Variants in CSMD1 observed in about 807,000 individuals in gnomAD.
CSMD1 encodes the protein CUB and sushi domain-containing protein 1.
CSMD1 carries 213 observed loss-of-function variants against 417.5 expected under a neutral mutation model. The observed-to-expected ratio is 0.51, with a 90% confidence interval of 0.46 to 0.57. CSMD1 has a LOEUF of 0.57. CSMD1 is among the 20% of genes least tolerant of loss of function. The probability of loss-of-function intolerance (pLI) is 0.00; values close to 1 mark genes in which losing one functional copy is unlikely to be tolerated. For missense variants in CSMD1, 6,923 were observed against 4,529.7 expected, an observed-to-expected ratio of 1.53 and a Z score of -15.17; for synonymous variants, 2,862 against 1,736.8, an observed-to-expected ratio of 1.65 and a Z score of -16.11.
At chr8:3,256,239 A>G (rs982563399) in intron 26 of CSMD1, among the ~76,000 whole-genome samples, 1 of 149,032 alleles carries the variant, frequency 6.7e-6, no homozygotes, top group African/African-American at 2.5e-5. Flanking sequence ...AGGCAGGAGA[A>G]TTGCTTGAAC....
At chr8:3,959,377 T>C (rs1812171238) in intron 5 of CSMD1, among the ~76,000 whole-genome samples, 1 of 152,144 alleles carries the variant, frequency 6.6e-6, no homozygotes, top group South Asian at 2.1e-4. Context: ...CGCCAGCCTG[T>C]AGTACCAGCT....
At chr8:4,905,819 CAA>C (rs147276107) in intron 1 of CSMD1, among the ~76,000 whole-genome samples, 9 of 94,314 alleles carry the variant, frequency 9.5e-5, no homozygotes, top group Admixed American at 1.4e-4. Context: ...GACTCCATCT[CAA>C]AAAAAAAAAA....
rs1807786989 is a variant in CSMD1, at chr8:3,343,378, G to A, written c.3547C>T (p.Leu1183=). The A allele has an allele frequency of 6.2e-7, 1 of 1,613,608 alleles. No individual in the cohort carries two copies. Among genetic ancestry groups the A allele is most frequent in the Non-Finnish European group, 8.5e-7 (1 of 1,179,688 alleles). Residue 1183 remains leucine (L), a synonymous_variant, in exon 23 of 70, where the codon CTA becomes TTA. Transcript: ENST00000635120. The part of the protein sequence containing the change: ...FTKNELLGLI[L]NSTSNHLWLE... ...CACAGGTGATTGGATGTGCTGTTTA[G>A]GATCAGCCCCAGAAGTTCATTTTTA...
At chr8:3,223,695 C>A in intron 28 of CSMD1, 34 bp downstream of exon 28, 1 of 1,605,204 alleles carries the variant, frequency 6.2e-7, no homozygotes, top group Non-Finnish European at 8.5e-7. Flanking sequence ...ATTAAAAATC[C>A]TACTAAAAAG....
At chr8:4,813,088 AT>A (rs1333434216) in intron 1 of CSMD1, among the ~76,000 whole-genome samples, 1 of 152,196 alleles carries the variant, frequency 6.6e-6, no homozygotes, top group Non-Finnish European at 1.5e-5. Flanking sequence ...TTTATGCATG[AT>A]TTACATAGTT....
intron 3 of CSMD1, among the ~76,000 whole-genome samples, chr8:4,167,227 T>C (rs544666468): frequency 6.6e-6 from 1 of 152,314 alleles, no homozygotes; most frequent in African/African-American, 2.4e-5. Context: ...ATCCTGATTT[T>C]AGGGAAGGAG....
chr8:3,472,943 C>G (rs1817189306), intron 11 of CSMD1, among the ~76,000 whole-genome samples: 1 of 152,048 alleles, frequency 6.6e-6, no homozygotes. Context: ...TGTTTTCTCC[C>G]CATTTCCAAC....
At chr8:3,671,956 A>C (rs775881691) in intron 7 of CSMD1, among the ~76,000 whole-genome samples, 1 of 152,150 alleles carries the variant, frequency 6.6e-6, no homozygotes, top group Non-Finnish European at 1.5e-5. Context: ...TTTCGACCAC[A>C]CATTTTTAGT....
chr8:4,226,590 C>A (rs545226125), intron 3 of CSMD1, among the ~76,000 whole-genome samples: 2 of 152,028 alleles, frequency 1.3e-5, no homozygotes, highest in African/African-American at 2.4e-5. Flanking sequence ...ATTAAAAGGG[C>A]TGTATTTTTC....
intron 2 of CSMD1, among the ~76,000 whole-genome samples, chr8:4,574,921 T>G (rs565093577): frequency 6.6e-6 from 1 of 152,202 alleles, no homozygotes; most frequent in Non-Finnish European, 1.5e-5. Flanking sequence ...TATAATTTTG[T>G]TTTAATATCT....
In CSMD1 at chr8:4,002,264, T is replaced by C. The variant is rs573050027; in HGVS notation, c.611-4154A>G. Among the ~76,000 whole-genome samples the C allele has an allele frequency of 1.1e-3, 172 of 151,936 alleles. 1 individual carries two copies. Among genetic ancestry groups the C allele is most frequent in the African/African-American group, 3.9e-3 (163 of 41,516 alleles). On this transcript the variant is annotated intron_variant, in intron 4 of 69. Coordinates refer to ENST00000635120, the MANE Select transcript of CSMD1 (RefSeq NM_033225.6). Reference sequence around the variant, plus strand: ...GTGTGTTTGTGTGTATGTGTGTGTTTGTGTTTGAAAGCACCTGCTATAGTG... The same window carrying C: ...GTGTGTTTGTGTGTATGTGTGTGTTCGTGTTTGAAAGCACCTGCTATAGTG...
At chr8:4,161,626 G>A (rs953652263) in intron 3 of CSMD1, among the ~76,000 whole-genome samples, 2 of 152,060 alleles carry the variant, frequency 1.3e-5, no homozygotes, top group East Asian at 3.9e-4. Flanking sequence ...AATTTAAAAT[G>A]TCAAAAGTTT....
intron 1 of CSMD1, among the ~76,000 whole-genome samples, chr8:4,707,304 G>A (rs993313427): frequency 7.2e-5 from 11 of 152,110 alleles, no homozygotes; most frequent in African/African-American, 2.7e-4. Context: ...TTGAAGCTTG[G>A]AGAAGTTAAA....
chr8:3,491,331 A>C (rs1530615), intron 11 of CSMD1, among the ~76,000 whole-genome samples: 115,981 of 152,048 alleles, frequency 0.76, 44,541 homozygotes, highest in African/African-American at 0.84. Context: ...AGCTTCATCA[A>C]TGATAAAGCA....
At chr8:3,003,977 AGTAG>A (rs1807654183) in intron 52 of CSMD1, among the ~76,000 whole-genome samples, 2 of 152,204 alleles carry the variant, frequency 1.3e-5, no homozygotes, top group African/African-American at 2.4e-5. Context: ...CTTAGTACAT[AGTAG>A]GTGTCAGCCC....
chr8:4,994,435 C>A lies in CSMD1; in HGVS notation c.-19G>T, dbSNP rs762412981. 6.2e-7 allele frequency: 1 copy of A among 1,604,454 alleles called. No individual in the cohort carries two copies. The highest frequency in any genetic ancestry group is 1.7e-5 in the Admixed American group (1 of 59,944). ...CAGTCATGTCTGCAGATACTCCACA[C>A]GCACGCGACACCGATGGCTCCTCCG... is the stretch of plus-strand genomic sequence containing the variant. On this transcript the variant is annotated 5_prime_UTR_variant, in exon 1 of 70. Transcript: ENST00000635120.
At chr8:2,984,358 T>C (rs951617511) in intron 54 of CSMD1, among the ~76,000 whole-genome samples, 2 of 151,952 alleles carry the variant, frequency 1.3e-5, no homozygotes, top group African/African-American at 4.8e-5. Context: ...ACTTTTTCTT[T>C]TTTCCCCCGA....
At chr8:4,816,070 G>T (rs942510740) in intron 1 of CSMD1, among the ~76,000 whole-genome samples, 1 of 152,166 alleles carries the variant, frequency 6.6e-6, no homozygotes, top group African/African-American at 2.4e-5. Flanking sequence ...AGCAGGACTG[G>T]GTTTAGGGAG....
intron 5 of CSMD1, among the ~76,000 whole-genome samples, chr8:3,982,598 A>T (rs1813965563): frequency 6.7e-6 from 1 of 149,206 alleles, no homozygotes; most frequent in South Asian, 2.1e-4. Context: ...CACTACTATT[A>T]TGAAGTACTG....
Sources: allele counts gnomAD v4.1 joint callset (sites outside exome capture counted in the v4.1 genomes callset), GRCh38; gene constraint gnomAD v4.1.1; transcripts MANE v1.5; gene names NCBI Gene and HGNC (gene_info 2026-07-23, HGNC 2026-07-21).